The following SRGAP1 variants were observed in gnomAD, a reference collection of about 807,000 sequenced individuals.
The protein encoded by SRGAP1 is SLIT-ROBO Rho GTPase-activating protein 1.
A neutral mutation model predicts 121.9 loss-of-function variants in SRGAP1; 43 were observed. The observed-to-expected ratio is 0.35, with a 90% CI of 0.28 to 0.46. The LOEUF is 0.46. SRGAP1 is among the 20% of genes least tolerant of loss of function. The probability of loss-of-function intolerance (pLI) is 1.00; values close to 1 mark genes in which losing one functional copy is unlikely to be tolerated. For missense variants in SRGAP1, 1,102 were observed against 1,350.9 expected (o/e 0.82, Z 2.89); for synonymous variants, 447 against 485.4 (o/e 0.92, Z 1.04).
chr12:63,939,986 GTCTC>G (rs928073139), intron 1 of SRGAP1, among the ~76,000 whole-genome samples: 4 of 151,178 alleles, frequency 2.6e-5, no homozygotes, highest in African/African-American at 4.9e-5. Context: ...TTGAGACAGA[GTCTC>G]TCTCTCTGTC....
intron 1 of SRGAP1, among the ~76,000 whole-genome samples, chr12:63,965,243 C>T (rs901010264): frequency 1.4e-4 from 22 of 151,982 alleles, no homozygotes; most frequent in African/African-American, 5.1e-4. Context: ...CCTTCCGCAC[C>T]AAAGACAGTA....
At chr12:63,967,384 G>A (rs914129230) in intron 1 of SRGAP1, among the ~76,000 whole-genome samples, 1 of 152,242 alleles carries the variant, frequency 6.6e-6, no homozygotes, top group Non-Finnish European at 1.5e-5. Flanking sequence ...CGAAATTAAA[G>A]TGAGCTATGA....
intron 20 of SRGAP1, 25 bp downstream of exon 20, chr12:64,127,749 C>T: frequency 6.2e-7 from 1 of 1,612,184 alleles, no homozygotes; most frequent in Non-Finnish European, 8.5e-7. Flanking sequence ...GGAATCAGGC[C>T]CCTAAGCCTC....
At chr12:64,045,969 C>T (rs531356237) in intron 6 of SRGAP1, among the ~76,000 whole-genome samples, 3 of 152,134 alleles carry the variant, frequency 2.0e-5, no homozygotes, top group African/African-American at 7.2e-5. Flanking sequence ...ATGACAATGC[C>T]ATACAGAAAA....
rs1448243648 is a variant in SRGAP1 at position 64,042,838 on chromosome 12, A to G, written c.538A>G (p.Ser180Gly). 1 of 1,613,842 alleles carries G rather than the reference A, an allele frequency of 6.2e-7. No individual in the cohort carries two copies. The highest frequency in any genetic ancestry group is 8.5e-7 in the Non-Finnish European group (1 of 1,179,954). ...MYHAESISAESKLKEAEKQEE... is the reference protein window; with the variant it reads ...MYHAESISAEGKLKEAEKQEE... ...TCATGCAGAGAGCATCAGTGCAGAG[A>G]GCAAGCTGAAAGAGGCCGAAAAACA... The change falls in exon 5 of 22, where the codon AGC (serine) becomes GGC (glycine). Residue 180 changes from serine to glycine, a missense_variant. Around this residue, in one of 3 missense-constraint regions of SRGAP1, gnomAD observed 747 missense variants for 929.4 expected, o/e 0.80. Coordinates refer to ENST00000355086, the MANE Select transcript of SRGAP1 (RefSeq NM_020762.4).
chr12:63,986,254 A>C (rs913480783), intron 2 of SRGAP1, among the ~76,000 whole-genome samples: 3 of 151,516 alleles, frequency 2.0e-5, no homozygotes, highest in Non-Finnish European at 2.9e-5. Flanking sequence ...TTGGTCCAGC[A>C]TAAAAATAAA....
At chr12:64,035,862 G>A (rs896647259) in intron 4 of SRGAP1, among the ~76,000 whole-genome samples, 1 of 152,112 alleles carries the variant, frequency 6.6e-6, no homozygotes, top group East Asian at 1.9e-4. Context: ...GGATATGAAG[G>A]CCCAAAGCCT....
At chr12:63,944,622 C>T (rs926006559) in intron 1 of SRGAP1, among the ~76,000 whole-genome samples, 8 of 152,146 alleles carry the variant, frequency 5.3e-5, no homozygotes, top group Admixed American at 1.3e-4. Flanking sequence ...GTTGGGCCAC[C>T]GGAACAGTAG....
intron 3 of SRGAP1, among the ~76,000 whole-genome samples, chr12:64,012,380 A>G (rs2034275820): frequency 6.6e-6 from 1 of 152,090 alleles, no homozygotes; most frequent in Non-Finnish European, 1.5e-5. Flanking sequence ...TTAGAATATT[A>G]GAAGTTTTAC....
chr12:63,987,029 C>T (rs956126287), intron 2 of SRGAP1, among the ~76,000 whole-genome samples: 8 of 152,166 alleles, frequency 5.3e-5, no homozygotes, highest in Non-Finnish European at 1.0e-4. Flanking sequence ...CACTTTGTGA[C>T]TTTGGTTAAG....
At chr12:63,861,213 A>G (rs756138365) in intron 1 of SRGAP1, among the ~76,000 whole-genome samples, 9 of 145,910 alleles carry the variant, frequency 6.2e-5, no homozygotes, top group Non-Finnish European at 1.3e-4. Context: ...GGGATTCACT[A>G]TGTTACCAAG....
At chr12:64,132,199 GC>G (rs1329361294) in intron 21 of SRGAP1, among the ~76,000 whole-genome samples, 1 of 152,204 alleles carries the variant, frequency 6.6e-6, no homozygotes, top group African/African-American at 2.4e-5. Flanking sequence ...GCAGTTATCT[GC>G]AGAAGAAGGC....
intron 1 of SRGAP1, among the ~76,000 whole-genome samples, chr12:63,866,963 G>A (rs942172705): frequency 6.6e-6 from 1 of 151,984 alleles, no homozygotes; most frequent in African/African-American, 2.4e-5. Context: ...CAATCTCCTG[G>A]ACTCAACTGA....
At chr12:64,079,761 G>C (rs1020760833) in intron 9 of SRGAP1, among the ~76,000 whole-genome samples, 1 of 152,014 alleles carries the variant, frequency 6.6e-6, no homozygotes, top group Non-Finnish European at 1.5e-5. Context: ...GAAAGTGCCA[G>C]TTCTTATTTC....
At chr12:64,032,495 C>T in intron 4 of SRGAP1, 1 of 1,139,182 alleles carries the variant, frequency 8.8e-7, no homozygotes, top group South Asian at 1.3e-5. Flanking sequence ...CTGGTTTATC[C>T]AGCAGCCAGG....
intron 4 of SRGAP1, among the ~76,000 whole-genome samples, chr12:64,027,057 T>G (rs1440539020): frequency 6.6e-6 from 1 of 152,092 alleles, no homozygotes; most frequent in African/African-American, 2.4e-5. Flanking sequence ...TGCTAGGAGC[T>G]TCAGGTGAGA....
intron 1 of SRGAP1, among the ~76,000 whole-genome samples, chr12:63,897,047 A>G (rs1900777998): frequency 6.6e-6 from 1 of 152,222 alleles, no homozygotes; most frequent in Admixed American, 6.5e-5. Context: ...GAGAATGACA[A>G]CAACAGGGGC....
intron 3 of SRGAP1, among the ~76,000 whole-genome samples, chr12:64,014,098 T>G (rs563996062): frequency 6.6e-6 from 1 of 152,348 alleles, no homozygotes; most frequent in African/African-American, 2.4e-5. Flanking sequence ...GCATGAATCA[T>G]CTTATTAACA....
intron 15 of SRGAP1, among the ~76,000 whole-genome samples, chr12:64,100,264 G>A (rs1325297790): frequency 6.6e-6 from 1 of 152,144 alleles, no homozygotes; most frequent in Non-Finnish European, 1.5e-5. Context: ...ATTAACTCAC[G>A]TGAATTTAGA....
Sources: gnomAD v4.1 joint callset for allele counts (sites outside exome capture counted in the v4.1 genomes callset) on GRCh38, gnomAD v4.1.1 for gene constraint, gnomAD v4.1.1 regional missense constraint, MANE v1.5 for transcripts, NCBI Gene and HGNC (gene_info 2026-07-23, HGNC 2026-07-21) for gene names.